The following CNBD1 variants were observed in gnomAD, a reference collection of about 807,000 sequenced individuals.
CNBD1 encodes the protein cyclic nucleotide binding domain containing 1, also known as cyclic nucleotide-binding domain-containing protein 1.
A neutral mutation model predicts 54.4 loss-of-function variants in CNBD1; 71 were observed. That is an observed-to-expected ratio of 1.30 (90% CI 1.08 to 1.59). The LOEUF (loss-of-function observed/expected upper bound fraction) is 1.59. Among genes scored for constraint, CNBD1 ranks in the 40% most tolerant of loss-of-function variants. The probability of loss-of-function intolerance (pLI) is 0.00; values close to 1 mark genes in which losing one functional copy is unlikely to be tolerated. For missense variants in CNBD1, 659 were observed against 518.0 expected (o/e 1.27, Z -2.64); for synonymous variants, 182 against 170.7 (o/e 1.07, Z -0.51).
Position 87,422,089 on chromosome 8 carries a change from G to C in CNBD1, c.214-6457G>C, listed in dbSNP as rs1158211846. ...AAATGTCTTTGTTTGAGAAGTGTCT[G>C]TTCATATCCTTCACCCACTTTTTGA... On this transcript the variant is annotated intron_variant, in intron 2 of 7. Transcript: ENST00000521593. Among the ~76,000 whole-genome samples the C allele has an allele frequency of 1.2e-4, 17 of 145,382 alleles. No individual in the cohort carries two copies. In the South Asian group the frequency reaches 3.6e-3, roughly 31 times the overall value.
chr8:87,031,114 G>A (rs1440964064), intron 4 of CNBD1, among the ~76,000 whole-genome samples: 1 of 151,030 alleles, frequency 6.6e-6, no homozygotes, highest in African/African-American at 2.4e-5. Context: ...AATTAAACAC[G>A]ACTTTTCAGC....
At chr8:86,966,424 A>G (rs940119106) in intron 4 of CNBD1, among the ~76,000 whole-genome samples, 1 of 152,202 alleles carries the variant, frequency 6.6e-6, no homozygotes, top group Non-Finnish European at 1.5e-5. Context: ...TACAGTTCTT[A>G]AAGATGGTGT....
At chr8:87,065,648 A>G (rs1334967570) in intron 4 of CNBD1, among the ~76,000 whole-genome samples, 1 of 151,990 alleles carries the variant, frequency 6.6e-6, no homozygotes, top group Non-Finnish European at 1.5e-5. Context: ...AGAAACTGAC[A>G]GATTTATAAG....
chr8:86,992,419 A>G (rs1039231598), intron 4 of CNBD1, among the ~76,000 whole-genome samples: 1 of 152,094 alleles, frequency 6.6e-6, no homozygotes, highest in Admixed American at 6.6e-5. Context: ...TTATCTTTTT[A>G]TTCAGGTTGC....
Position 86,884,155 on chromosome 8 carries a change from AC to A in CNBD1, c.89-3386del, listed in dbSNP as rs1563809930. ...CGACAGAGCGAGACTCCGTCTCAAA[AC>A]AAAACAAAACAAAACAAAACAAAAA... On this transcript the variant is annotated intron_variant, in intron 1 of 10. Transcript: ENST00000518476. Among the ~76,000 whole-genome samples, 602 of 150,826 alleles carry A rather than the reference AC, an allele frequency of 4.0e-3. 9 individuals are homozygous for A. Among genetic ancestry groups the A allele is most frequent in the East Asian group, 0.037 (191 of 5,114 alleles).
intron 4 of CNBD1, among the ~76,000 whole-genome samples, chr8:86,967,801 GT>G (rs796253707): frequency 0.025 from 3,345 of 134,088 alleles, 66 homozygotes; most frequent in African/African-American, 0.066. Flanking sequence ...TGCTTGTTCA[GT>G]TTTTTTTTTT....
chr8:87,156,836 C>T (rs1812753330), intron 4 of CNBD1, among the ~76,000 whole-genome samples: 1 of 151,980 alleles, frequency 6.6e-6, no homozygotes, highest in African/African-American at 2.4e-5. Context: ...AAACTCAGTT[C>T]CCTGTTAGAA....
chr8:87,257,994 A>G (rs1382833467), intron 6 of CNBD1, among the ~76,000 whole-genome samples: 2 of 152,252 alleles, frequency 1.3e-5, no homozygotes, highest in Non-Finnish European at 2.9e-5. Context: ...ATTTTGAAAC[A>G]TATCTTAATA....
chr8:87,142,017 T>A (rs1485510537), intron 4 of CNBD1, among the ~76,000 whole-genome samples: 1 of 152,158 alleles, frequency 6.6e-6, no homozygotes, highest in South Asian at 2.1e-4. Context: ...ATAAAATACA[T>A]TGGAACATTC....
rs535772594 is a variant in CNBD1 at position 87,301,305 on chromosome 8, C to T, written c.1042+14634C>T. 4.6e-5 allele frequency among the ~76,000 whole-genome samples: 7 copies of T among 152,146 alleles called. 1 individual carries two copies. The South Asian group carries it at 1.5e-3, about 32-fold the overall frequency. ...GGTACTAATCCTTTTGAAACAATAC[C>T]ACAAGATAGAGAAAGAAAGAACCCT... On this transcript the variant is annotated intron_variant, in intron 8 of 10. Transcript: ENST00000518476.
intron 2 of CNBD1, among the ~76,000 whole-genome samples, chr8:87,421,496 A>T (rs71504326): frequency 0.14 from 19,428 of 142,350 alleles, 1,554 homozygotes; most frequent in Middle Eastern, 0.21. Context: ...TCATTGTTCA[A>T]TTCCCACCTA....
At chr8:87,357,728 T>C (rs1312033703) in intron 10 of CNBD1, among the ~76,000 whole-genome samples, 1 of 152,010 alleles carries the variant, frequency 6.6e-6, no homozygotes, top group Non-Finnish European at 1.5e-5. Flanking sequence ...CAGGGGACTG[T>C]TGGGAAGGGG....
intron 5 of CNBD1, among the ~76,000 whole-genome samples, chr8:87,232,166 A>T (rs1022393045): frequency 2.6e-5 from 4 of 152,120 alleles, no homozygotes; most frequent in Non-Finnish European, 5.9e-5. Context: ...GCTTCTTTAC[A>T]CATTTTCTTC....
At chr8:87,230,896 G>T (rs1399810875) in intron 5 of CNBD1, among the ~76,000 whole-genome samples, 4 of 152,126 alleles carry the variant, frequency 2.6e-5, no homozygotes, top group Non-Finnish European at 4.4e-5. Context: ...CTAGTGAAAG[G>T]TATACTTAGA....
intron 2 of CNBD1, among the ~76,000 whole-genome samples, chr8:87,420,594 G>C (rs1347247918): frequency 6.6e-6 from 1 of 152,006 alleles, no homozygotes; most frequent in Admixed American, 6.6e-5. Context: ...TTGAGGTAGA[G>C]AGAGACAACC....
At chr8:86,974,620 T>C (rs1042359465) in intron 4 of CNBD1, among the ~76,000 whole-genome samples, 7 of 152,052 alleles carry the variant, frequency 4.6e-5, no homozygotes, top group African/African-American at 1.7e-4. Flanking sequence ...AACCTCAGAA[T>C]GTTACATGTT....
chr8:87,379,857 G>A (rs1034893878), intron 10 of CNBD1, among the ~76,000 whole-genome samples: 6 of 151,894 alleles, frequency 4.0e-5, no homozygotes, highest in Admixed American at 2.0e-4. Flanking sequence ...ATTATCTAGA[G>A]CTTAGTAGCA....
intron 5 of CNBD1, among the ~76,000 whole-genome samples, chr8:87,213,687 T>C (rs942741248): frequency 3.3e-5 from 5 of 152,068 alleles, no homozygotes; most frequent in Non-Finnish European, 7.4e-5. Flanking sequence ...AGTCAAACCA[T>C]ACCATTTCAC....
At chr8:87,004,534 T>C (rs369806618) in intron 4 of CNBD1, among the ~76,000 whole-genome samples, 2 of 151,680 alleles carry the variant, frequency 1.3e-5, no homozygotes, top group South Asian at 4.1e-4. Flanking sequence ...TGCAAATTAG[T>C]ATTTATCTAA....
Sources: allele counts gnomAD v4.1 joint callset (sites outside exome capture counted in the v4.1 genomes callset), GRCh38; gene constraint gnomAD v4.1.1; transcripts MANE v1.5; gene names NCBI Gene and HGNC (gene_info 2026-07-23, HGNC 2026-07-21).